The following UBE2F variants were observed in gnomAD, a reference collection of about 807,000 sequenced individuals.
The protein encoded by UBE2F is ubiquitin conjugating enzyme E2 F (putative).
Under a neutral mutation model 29.6 loss-of-function variants are expected in UBE2F, and 5 were observed. The observed-to-expected ratio is 0.17, with a 90% CI of 0.09 to 0.36. The LOEUF is 0.36. Among genes scored for constraint, UBE2F ranks in the 10% least tolerant of loss-of-function variants. The pLI is 1.00. For missense variants in UBE2F, 141 were observed against 228.5 expected (o/e 0.62, Z 2.47); for synonymous variants, 66 against 81.8 (o/e 0.81, Z 1.04).
intron 4 of UBE2F, among the ~76,000 whole-genome samples, chr2:238,015,124 T>C (rs995531857): frequency 3.9e-5 from 6 of 152,318 alleles, no homozygotes; most frequent in African/African-American, 1.4e-4. Flanking sequence ...GAAGAAAATA[T>C]AAGAGGATAT....
intron 2 of UBE2F, among the ~76,000 whole-genome samples, chr2:237,975,087 T>C (rs1349931919): frequency 6.6e-6 from 1 of 150,886 alleles, no homozygotes; most frequent in Non-Finnish European, 1.5e-5. Flanking sequence ...TTATCACAGG[T>C]GTTTACATTT....
rs1206017261 is a variant in UBE2F at position 237,967,391 on chromosome 2, G to A, written c.-17+259G>A. On this transcript the variant is annotated intron_variant, in intron 1 of 9. Transcript: ENST00000272930. This position sits in a 1 kb window ranked among gnomAD's most constrained non-coding sequence, Gnocchi z 6.3. ...GCCGGGGCGCTGGCCTCGCCCGGCA[G>A]TGAGTGACCGCGGCGGCGGCGGCGG... 1.3e-5 allele frequency among the ~76,000 whole-genome samples: 2 copies of A among 150,286 alleles called. No homozygotes were observed. The highest frequency in any genetic ancestry group is 3.0e-5 in the Non-Finnish European group (2 of 67,464).
At chr2:238,031,420 C>T (rs2106406721) in intron 7 of UBE2F, among the ~76,000 whole-genome samples, 1 of 152,340 alleles carries the variant, frequency 6.6e-6, no homozygotes, top group East Asian at 1.9e-4. Context: ...TGTACATCCC[C>T]CTTCCTCAGG....
chr2:238,016,694 G>A, intron 5 of UBE2F, 61 bp downstream of exon 5: 2 of 1,462,416 alleles, frequency 1.4e-6, no homozygotes, highest in Non-Finnish European at 9.4e-7. Context: ...TGTGGCTGTG[G>A]CCCGCCACTG....
At position 237,969,753 on chromosome 2, in the gene UBE2F, G is replaced by T. The variant is rs575702836; in HGVS notation, c.-17+2621G>T. Among the ~76,000 whole-genome samples, 20 of 152,290 alleles carry T rather than the reference G, an allele frequency of 1.3e-4. No individual in the cohort carries two copies. In the South Asian group the frequency reaches 1.4e-3, roughly 11 times the overall value. On this transcript the variant is annotated intron_variant, in intron 1 of 9. Transcript: ENST00000272930. Reference sequence around the variant, plus strand: ...TTTTGACAAGATCATTCCAGGTAGGGGCTGAAGCAGGAGAGCTTGGCTCTA... The same window carrying T: ...TTTTGACAAGATCATTCCAGGTAGGTGCTGAAGCAGGAGAGCTTGGCTCTA...
chr2:238,035,357 C>G, intron 8 of UBE2F: 1 of 157,720 alleles, frequency 6.3e-6, no homozygotes. Flanking sequence ...GGGACATGAG[C>G]CTAGCGACAC....
At chr2:238,001,190 C>T (rs771042575) in intron 4 of UBE2F, among the ~76,000 whole-genome samples, 19 of 152,018 alleles carry the variant, frequency 1.2e-4, no homozygotes, top group Non-Finnish European at 1.3e-4. Flanking sequence ...TGTGCCACCA[C>T]GCCCGGCTAA....
At chr2:237,991,807 T>C (rs894404033) in intron 3 of UBE2F, among the ~76,000 whole-genome samples, 20 of 151,740 alleles carry the variant, frequency 1.3e-4, no homozygotes, top group African/African-American at 4.8e-4. Flanking sequence ...TTTGCCAGGA[T>C]TACAGGCGTG....
At chr2:237,974,437 G>A (rs1190814912) in intron 2 of UBE2F, among the ~76,000 whole-genome samples, 4 of 150,792 alleles carry the variant, frequency 2.7e-5, no homozygotes, top group African/African-American at 9.8e-5. Flanking sequence ...TGATTTGCTC[G>A]CTTTGGCCTC....
chr2:238,041,507 G>A lies in UBE2F; in HGVS notation c.*169G>A. 1 of 599,664 alleles carries A rather than the reference G, an allele frequency of 1.7e-6. No individual in the cohort carries two copies. The highest frequency in any genetic ancestry group is 3.0e-6 in the Non-Finnish European group (1 of 334,842). 37.1% of individuals were successfully genotyped at this position (599,664 alleles called of 1,614,324 possible). A position where few individuals can be genotyped will look rare whatever the true frequency, so the allele number is the denominator to read the frequency against. On this transcript the variant is annotated 3_prime_UTR_variant, in exon 10 of 10. Transcript: ENST00000272930. ...AAGACCATCTTCATGACTGCTCATT[G>A]TAGATGGAGAATTCAACATAAATAC...
intron 8 of UBE2F, among the ~76,000 whole-genome samples, chr2:238,033,550 CAGTTA>C (rs1327418330): frequency 2.0e-5 from 3 of 152,188 alleles, no homozygotes; most frequent in African/African-American, 7.2e-5. Context: ...CTGCAGGACT[CAGTTA>C]AACTAGGGGC....
intron 4 of UBE2F, among the ~76,000 whole-genome samples, chr2:238,015,876 AGAGG>A (rs1283090219): frequency 6.6e-6 from 1 of 151,884 alleles, no homozygotes; most frequent in African/African-American, 2.4e-5. Flanking sequence ...CCACCTGAGG[AGAGG>A]GACTGCCCTG....
At chr2:237,984,684 G>C (rs2063443638) in intron 2 of UBE2F, among the ~76,000 whole-genome samples, 1 of 152,144 alleles carries the variant, frequency 6.6e-6, no homozygotes, top group Non-Finnish European at 1.5e-5. Context: ...ATTTCAGAGG[G>C]TACCCTTCCC....
intron 4 of UBE2F, among the ~76,000 whole-genome samples, chr2:237,995,776 C>A (rs4663825): frequency 0.86 from 130,660 of 152,152 alleles, 56,254 homozygotes; most frequent in East Asian, 0.97. Flanking sequence ...ATGCTTGAAA[C>A]CTTAAAAAAA....
chr2:238,022,558 G>C (rs2064321682), intron 5 of UBE2F, among the ~76,000 whole-genome samples: 1 of 152,066 alleles, frequency 6.6e-6, no homozygotes, highest in Non-Finnish European at 1.5e-5. Flanking sequence ...TGTATGTTAT[G>C]ATATGCTTAA....
chr2:238,025,579 A>G (rs1029004748), intron 6 of UBE2F, among the ~76,000 whole-genome samples, 167 bp downstream of exon 6: 1 of 151,856 alleles, frequency 6.6e-6, no homozygotes, highest in African/African-American at 2.4e-5. Context: ...CCCAAACCCT[A>G]CCCTACCTTC....
At position 238,041,377 on chromosome 2, in the gene UBE2F, G is replaced by C; in HGVS notation, c.*39G>C. 6.2e-7 allele frequency: 1 copy of C among 1,608,626 alleles called. No individual in the cohort carries two copies. The highest frequency in any genetic ancestry group is 8.5e-7 in the Non-Finnish European group (1 of 1,175,814). ...TTGCAGGCCCATGGACTGTGTTACA[G>C]TTTGTCTCTAACATGAAACAGCAAG... On this transcript the variant is annotated 3_prime_UTR_variant, in exon 10 of 10. Transcript: ENST00000272930.
intron 7 of UBE2F, 108 bp from the exon 8 acceptor site, chr2:238,032,114 C>T: frequency 1.2e-6 from 1 of 810,530 alleles, no homozygotes. Flanking sequence ...ACAAACCATG[C>T]TAAAGACAGG....
chr2:238,037,531 C>G (rs1279493041), intron 9 of UBE2F, among the ~76,000 whole-genome samples: 1 of 152,254 alleles, frequency 6.6e-6, no homozygotes, highest in African/African-American at 2.4e-5. Context: ...GGTAGAACCT[C>G]GCACTCCGTT....
Sources: allele counts gnomAD v4.1 joint callset (sites outside exome capture counted in the v4.1 genomes callset), GRCh38; gene constraint gnomAD v4.1.1; non-coding constraint Gnocchi (gnomAD v3.1); transcripts MANE v1.5; gene names NCBI Gene and HGNC (gene_info 2026-07-23, HGNC 2026-07-21).